Variants in SGCD observed in about 807,000 individuals in gnomAD.
The protein encoded by SGCD is sarcoglycan delta.
In SGCD, 18 loss-of-function variants were observed where a neutral mutation model predicts 36.6. The observed-to-expected ratio is 0.49, with a 90% CI of 0.34 to 0.73. SGCD has a LOEUF of 0.73. Among genes scored for constraint, SGCD ranks in the 30% least tolerant of loss-of-function variants. SGCD has a pLI of 0.01. For missense variants in SGCD, 387 were observed against 346.7 expected (o/e 1.12, Z -0.92); for synonymous variants, 133 against 130.6 (o/e 1.02, Z -0.12).
intron 1 of SGCD, among the ~76,000 whole-genome samples, chr5:155,884,639 G>A (rs1400297209): frequency 6.6e-6 from 1 of 152,182 alleles, no homozygotes; most frequent in Non-Finnish European, 1.5e-5. Flanking sequence ...TATATTTAGT[G>A]TTGGTATAGC....
intron 6 of SGCD, among the ~76,000 whole-genome samples, chr5:156,616,680 T>C (rs1408767848): frequency 6.6e-6 from 1 of 152,224 alleles, no homozygotes; most frequent in Admixed American, 6.5e-5. Flanking sequence ...GATGTACTAA[T>C]GGCCTCTTCC....
chr5:156,324,344 T>C (rs533736367), upstream of SGCD, among the ~76,000 whole-genome samples: 1 of 152,322 alleles, frequency 6.6e-6, no homozygotes, highest in Non-Finnish European at 1.5e-5. Context: ...CTGTAATAAA[T>C]CTGGAAATGT....
intron 3 of SGCD, among the ~76,000 whole-genome samples, chr5:156,174,282 G>A (rs1332510342): frequency 6.6e-6 from 1 of 152,184 alleles, no homozygotes; most frequent in Admixed American, 6.5e-5. Context: ...ATAACAGGTT[G>A]CAGGAAGCCT....
intron 7 of SGCD, among the ~76,000 whole-genome samples, chr5:156,735,493 G>A (rs1756309415): frequency 6.6e-6 from 1 of 152,158 alleles, no homozygotes; most frequent in African/African-American, 2.4e-5. Context: ...AGAGGAACAG[G>A]ATCAGGCATC....
chr5:156,678,036 T>G (rs1365877132), intron 7 of SGCD, among the ~76,000 whole-genome samples: 2 of 152,162 alleles, frequency 1.3e-5, no homozygotes, highest in African/African-American at 4.8e-5. Context: ...GGGGACCAGC[T>G]GGGGAGTTTA....
At chr5:155,762,731 G>A in the SGCD span, among the ~76,000 whole-genome samples, 2 of 152,094 alleles carry the variant, frequency 1.3e-5, no homozygotes, top group African/African-American at 4.8e-5. Flanking sequence ...ATTAAACATG[G>A]TTGCCCCTCC....
At position 156,441,398 on chromosome 5, in the gene SGCD, C is replaced by A. The variant is rs149844182; in HGVS notation, c.193-67203C>A. Among the ~76,000 whole-genome samples the A allele has an allele frequency of 5.9e-5, 9 of 152,106 alleles. No homozygotes were observed. In the East Asian group the frequency reaches 1.7e-3, roughly 29 times the overall value. On this transcript the variant is annotated intron_variant, in intron 3 of 8. Coordinates refer to ENST00000337851, the MANE Select transcript of SGCD (RefSeq NM_000337.6). ...ATAATAATACTCTCCTTCATGGGGA[C>A]GTTTTGTAAATAGCTAAATATCACA...
intron 1 of SGCD, among the ~76,000 whole-genome samples, chr5:156,080,565 G>A (rs1285967815): frequency 1.3e-5 from 2 of 152,198 alleles, no homozygotes; most frequent in Non-Finnish European, 2.9e-5. Context: ...ATTAAAAGCA[G>A]CCAGGCCATT....
At chr5:156,516,057 G>A (rs1241800577) in intron 4 of SGCD, among the ~76,000 whole-genome samples, 1 of 152,214 alleles carries the variant, frequency 6.6e-6, no homozygotes, top group Non-Finnish European at 1.5e-5. Context: ...AGCAGCTATG[G>A]TCTCCAGGCT....
At chr5:156,177,617 G>A (rs894332263) in intron 3 of SGCD, among the ~76,000 whole-genome samples, 1 of 152,132 alleles carries the variant, frequency 6.6e-6, no homozygotes, top group Non-Finnish European at 1.5e-5. Context: ...TCTATTTAAA[G>A]TGTACAATTC....
chr5:155,896,543 G>A (rs1485134013), intron 1 of SGCD, among the ~76,000 whole-genome samples: 1 of 151,820 alleles, frequency 6.6e-6, no homozygotes. Context: ...CTACTTGGGA[G>A]GCTGAGGTGG....
intron 4 of SGCD, among the ~76,000 whole-genome samples, chr5:156,574,478 G>T (rs1481498768): frequency 1.3e-5 from 2 of 152,042 alleles, no homozygotes; most frequent in African/African-American, 4.8e-5. Flanking sequence ...AGAAACTAAG[G>T]CTGTGTAATC....
chr5:156,208,313 T>G (rs1764344746), intron 3 of SGCD, among the ~76,000 whole-genome samples: 1 of 152,160 alleles, frequency 6.6e-6, no homozygotes, highest in Non-Finnish European at 1.5e-5. Flanking sequence ...CTATTTTAGA[T>G]TTTAGTTTTA....
chr5:156,613,473 C>T (rs1480846047), intron 6 of SGCD, among the ~76,000 whole-genome samples: 2 of 152,204 alleles, frequency 1.3e-5, no homozygotes, highest in Admixed American at 6.5e-5. Context: ...TAAGGCTGGT[C>T]TCACTGTCAT....
chr5:155,910,572 CCA>C (rs1275213990), intron 1 of SGCD, among the ~76,000 whole-genome samples: 3 of 151,956 alleles, frequency 2.0e-5, no homozygotes, highest in African/African-American at 7.3e-5. Context: ...AAAAAAATAT[CCA>C]CAGAGGGCCA....
At chr5:156,472,209 A>G (rs555433905) in intron 3 of SGCD, among the ~76,000 whole-genome samples, 51 of 152,362 alleles carry the variant, frequency 3.3e-4, no homozygotes, top group Non-Finnish European at 7.1e-4. Flanking sequence ...TTTCTTAAAA[A>G]GCCAAATGTA....
chr5:156,477,202 T>C (rs1169497151), intron 3 of SGCD, among the ~76,000 whole-genome samples: 1 of 152,182 alleles, frequency 6.6e-6, no homozygotes, highest in Non-Finnish European at 1.5e-5. Context: ...AGTAGAATGG[T>C]ACCAACAAAA....
At position 156,405,186 on chromosome 5, in the gene SGCD, G is replaced by C. The variant is rs546437758; in HGVS notation, c.192+60509G>C. 9.9e-5 allele frequency among the ~76,000 whole-genome samples: 15 copies of C among 152,266 alleles called. No homozygotes were observed. The South Asian group carries it at 3.1e-3, about 32-fold the overall frequency. ...CAGGCACCAACTAACAAGAGAGAAA[G>C]AGCCTCCGACCTGGGGCAAAACTTT... is the stretch of plus-strand genomic sequence containing the variant. On this transcript the variant is annotated intron_variant, in intron 3 of 8. Transcript: ENST00000337851.
intron 3 of SGCD, among the ~76,000 whole-genome samples, chr5:156,444,021 T>C (rs1753618944): frequency 6.6e-6 from 1 of 151,350 alleles, no homozygotes; most frequent in Non-Finnish European, 1.5e-5. Context: ...AGATACTTGC[T>C]GATTTTGGAC....
Sources: gnomAD v4.1 joint callset for allele counts (sites outside exome capture counted in the v4.1 genomes callset) on GRCh38, gnomAD v4.1.1 for gene constraint, MANE v1.5 for transcripts, NCBI Gene and HGNC (gene_info 2026-07-23, HGNC 2026-07-21) for gene names.